The following ZNF469 variants were observed in gnomAD, a reference collection of about 807,000 sequenced individuals.
ZNF469 encodes zinc finger protein 469.
A neutral mutation model predicts 1.0 loss-of-function variants in ZNF469; 1 was observed. The observed-to-expected ratio is 1.00, with a 90% CI of 0.35 to 4.73. The LOEUF (loss-of-function observed/expected upper bound fraction) is 4.73. Among genes scored for constraint, ZNF469 ranks in the 30% most tolerant of loss-of-function variants. The probability of loss-of-function intolerance (pLI) is 0.16; values close to 1 mark genes in which losing one functional copy is unlikely to be tolerated. For synonymous variants in ZNF469, 2,703 were observed against 2,363.4 expected (o/e 1.14, Z -4.17); for missense variants, 6,100 against 5,356.3 (o/e 1.14, Z -4.33).
chr16:88,136,768 A>G, the ZNF469 span, among the ~76,000 whole-genome samples: 1 of 152,194 alleles, frequency 6.6e-6, no homozygotes, highest in African/African-American at 2.4e-5. Context: ...GGAGAAGATT[A>G]GACGATTCTC....
chr16:88,309,921 CT>C, the ZNF469 span, among the ~76,000 whole-genome samples: 2 of 152,230 alleles, frequency 1.3e-5, no homozygotes, highest in Non-Finnish European at 2.9e-5. Flanking sequence ...GGGCCTGCCC[CT>C]GCCAGAGGCC....
the ZNF469 span, among the ~76,000 whole-genome samples, chr16:88,349,011 G>A: frequency 7.9e-4 from 121 of 152,278 alleles, 1 homozygote; most frequent in South Asian, 0.018. Context: ...TGCCTCCCAC[G>A]CAGGCCCCAA....
At chr16:88,148,001 G>A in the ZNF469 span, among the ~76,000 whole-genome samples, 1 of 151,230 alleles carries the variant, frequency 6.6e-6, no homozygotes. Flanking sequence ...ATGGGGCAGC[G>A]ATTGCAGCTT....
the ZNF469 span, among the ~76,000 whole-genome samples, chr16:88,150,347 A>C: frequency 1.3e-3 from 198 of 152,272 alleles, no homozygotes; most frequent in African/African-American, 4.1e-3. Flanking sequence ...TAAACTAAAA[A>C]ATGTGCTGCA....
chr16:88,319,170 C>T, the ZNF469 span, among the ~76,000 whole-genome samples: 1 of 152,072 alleles, frequency 6.6e-6, no homozygotes, highest in Non-Finnish European at 1.5e-5. Context: ...GGGCTCCTCA[C>T]AGACAGATGG....
chr16:88,355,782 G>A, the ZNF469 span, among the ~76,000 whole-genome samples: 1 of 152,208 alleles, frequency 6.6e-6, no homozygotes, highest in Non-Finnish European at 1.5e-5. Flanking sequence ...TGTGAGCGGG[G>A]CCGGGGGACA....
At chr16:88,186,487 G>C in the ZNF469 span, among the ~76,000 whole-genome samples, 2 of 152,288 alleles carry the variant, frequency 1.3e-5, no homozygotes, top group East Asian at 1.9e-4. Flanking sequence ...GCCGGGAGCT[G>C]ATCTTGGCAG....
the ZNF469 span, among the ~76,000 whole-genome samples, chr16:88,250,036 C>G: frequency 6.6e-6 from 1 of 152,224 alleles, no homozygotes. Context: ...CTGTCTATCC[C>G]TTTTTAAAAT....
chr16:88,204,406 G>A, the ZNF469 span, among the ~76,000 whole-genome samples: 7 of 152,334 alleles, frequency 4.6e-5, no homozygotes, highest in East Asian at 9.7e-4. Context: ...TGTGACACCC[G>A]TGGACCAGGA....
At chr16:88,278,366 A>C in the ZNF469 span, among the ~76,000 whole-genome samples, 1 of 52,202 alleles carries the variant, frequency 1.9e-5, no homozygotes, top group South Asian at 9.7e-4. Context: ...TACCGTGTAG[A>C]TATCAGTGCA....
the ZNF469 span, among the ~76,000 whole-genome samples, chr16:88,366,331 A>G: frequency 2.6e-5 from 4 of 151,648 alleles, no homozygotes; most frequent in African/African-American, 7.3e-5. Flanking sequence ...CATTATCATT[A>G]CTGTCACCAC....
At chr16:88,120,862 G>A in the ZNF469 span, among the ~76,000 whole-genome samples, 1 of 152,204 alleles carries the variant, frequency 6.6e-6, no homozygotes, top group Non-Finnish European at 1.5e-5. Context: ...CCGGCTGGCT[G>A]CGTCCACTGG....
upstream of ZNF469, among the ~76,000 whole-genome samples, chr16:88,380,648 TAC>T (rs148502398): frequency 8.8e-3 from 796 of 90,602 alleles, 7 homozygotes; most frequent in Non-Finnish European, 0.014. Flanking sequence ...CATGCACTCA[TAC>T]ACACACAGAC....
chr16:88,189,780 A>G, the ZNF469 span, among the ~76,000 whole-genome samples: 3 of 152,182 alleles, frequency 2.0e-5, no homozygotes, highest in Admixed American at 2.0e-4. This position sits in a 1 kb window ranked among gnomAD's most constrained non-coding sequence, Gnocchi z 4.3. Flanking sequence ...TTAGCTGGGC[A>G]TGGTGGCAGG....
the ZNF469 span, among the ~76,000 whole-genome samples, chr16:88,324,547 C>G: frequency 6.6e-6 from 1 of 152,350 alleles, no homozygotes; most frequent in African/African-American, 2.4e-5. Flanking sequence ...TGAAAGCCAG[C>G]TGGTGGTGGA....
chr16:88,140,779 A>G, the ZNF469 span, among the ~76,000 whole-genome samples: 1 of 152,144 alleles, frequency 6.6e-6, no homozygotes, highest in African/African-American at 2.4e-5. Context: ...TAAAAAATAC[A>G]AAAGTTAGCC....
chr16:88,327,048 G>A, the ZNF469 span, among the ~76,000 whole-genome samples: 2 of 152,208 alleles, frequency 1.3e-5, no homozygotes, highest in Non-Finnish European at 2.9e-5. Context: ...GGAGGGTCCT[G>A]ATGTCCTTGG....
the ZNF469 span, among the ~76,000 whole-genome samples, chr16:88,315,882 G>A: frequency 6.6e-6 from 1 of 152,212 alleles, no homozygotes; most frequent in African/African-American, 2.4e-5. Flanking sequence ...CTCCTGCTGA[G>A]TCACACACAG....
At chr16:88,104,867 G>A in the ZNF469 span, among the ~76,000 whole-genome samples, 6 of 152,092 alleles carry the variant, frequency 3.9e-5, no homozygotes, top group Non-Finnish European at 8.8e-5. Flanking sequence ...TTCACTATCA[G>A]TGTGTGGACC....
Sources: gnomAD v4.1 joint callset for allele counts (sites outside exome capture counted in the v4.1 genomes callset) on GRCh38, gnomAD v4.1.1 for gene constraint, Gnocchi (gnomAD v3.1) non-coding constraint, MANE v1.5 for transcripts, NCBI Gene and HGNC (gene_info 2026-07-23, HGNC 2026-07-21) for gene names.